The following MCUB variants were observed in gnomAD, a reference collection of about 807,000 sequenced individuals.
MCUB encodes the protein calcium uniporter regulatory subunit MCUb, mitochondrial.
In MCUB, 46 loss-of-function variants were observed where a neutral mutation model predicts 41.4. The observed-to-expected ratio is 1.11, with a 90% CI of 0.88 to 1.42. The LOEUF (loss-of-function observed/expected upper bound fraction) is 1.42, where lower values mean the gene tolerates loss of function less well. MCUB is among the 40% of genes most tolerant of loss of function. The pLI is 0.00. For synonymous variants in MCUB, 148 were observed against 148.2 expected (o/e 1.00, Z 0.01); for missense variants, 403 against 404.9 (o/e 1.00, Z 0.04).
chr4:109,680,317 A>G (rs1729687993), intron 4 of MCUB, among the ~76,000 whole-genome samples: 1 of 152,158 alleles, frequency 6.6e-6, no homozygotes, highest in African/African-American at 2.4e-5. Flanking sequence ...ACATTAACCA[A>G]CTATCCACTT....
chr4:109,584,169 T>A (rs1485537275), intron 1 of MCUB, among the ~76,000 whole-genome samples: 2 of 152,190 alleles, frequency 1.3e-5, no homozygotes, highest in Non-Finnish European at 2.9e-5. Context: ...CTTCCTGGTT[T>A]AGTCTTGGGA....
intron 1 of MCUB, among the ~76,000 whole-genome samples, chr4:109,571,601 C>G (rs897591867): frequency 6.6e-6 from 1 of 152,224 alleles, no homozygotes; most frequent in South Asian, 2.1e-4. Context: ...GCATGAGCCA[C>G]CGTGCCAGGC....
intron 1 of MCUB, among the ~76,000 whole-genome samples, chr4:109,569,807 C>A (rs1209132141): frequency 6.6e-6 from 1 of 152,096 alleles, no homozygotes; most frequent in Non-Finnish European, 1.5e-5. Flanking sequence ...CTGGCCAGGT[C>A]TCTGTGTTAC....
At chr4:109,584,052 G>A (rs573419590) in intron 1 of MCUB, among the ~76,000 whole-genome samples, 1 of 152,272 alleles carries the variant, frequency 6.6e-6, no homozygotes, top group South Asian at 2.1e-4. Context: ...ACCTCTGGTA[G>A]AATTCAGCTG....
intron 1 of MCUB, among the ~76,000 whole-genome samples, chr4:109,598,358 C>G (rs1417002769): frequency 1.3e-5 from 2 of 152,122 alleles, no homozygotes; most frequent in African/African-American, 2.4e-5. Flanking sequence ...CTTGGGAGGC[C>G]GAGGCTGGCG....
chr4:109,646,531 GA>G (rs1728841910), intron 1 of MCUB, among the ~76,000 whole-genome samples: 2 of 152,152 alleles, frequency 1.3e-5, no homozygotes, highest in African/African-American at 2.4e-5. Flanking sequence ...TTTAAAGCAG[GA>G]AAAGTGATTT....
At chr4:109,678,056 A>G (rs931072633) in intron 4 of MCUB, among the ~76,000 whole-genome samples, 30 of 152,050 alleles carry the variant, frequency 2.0e-4, no homozygotes, top group Admixed American at 1.8e-3. Flanking sequence ...CTGTTTAACA[A>G]AGCACATCTT....
At chr4:109,588,035 T>A (rs1368101759) in intron 1 of MCUB, among the ~76,000 whole-genome samples, 1 of 152,226 alleles carries the variant, frequency 6.6e-6, no homozygotes, top group East Asian at 1.9e-4. Flanking sequence ...TAATGGACAG[T>A]GCTGAAAAGA....
At chr4:109,634,139 A>G (rs1728537870) in intron 1 of MCUB, among the ~76,000 whole-genome samples, 1 of 152,194 alleles carries the variant, frequency 6.6e-6, no homozygotes, top group Non-Finnish European at 1.5e-5. Flanking sequence ...TGATCATGCC[A>G]TGCAGTTAGA....
chr4:109,673,713 G>A (rs2126148639), intron 4 of MCUB: 2 of 483,434 alleles, frequency 4.1e-6, no homozygotes, highest in South Asian at 4.3e-5. Flanking sequence ...GAAAATTTGG[G>A]GTATGAAAAT....
intron 1 of MCUB, among the ~76,000 whole-genome samples, chr4:109,598,148 C>G (rs1378718636): frequency 7.2e-6 from 1 of 139,492 alleles, no homozygotes; most frequent in African/African-American, 2.7e-5. Context: ...ACATCCCAGA[C>G]GATGGGCAGC....
At chr4:109,635,696 C>A (rs369833534) in intron 1 of MCUB, among the ~76,000 whole-genome samples, 61 of 152,258 alleles carry the variant, frequency 4.0e-4, no homozygotes, top group African/African-American at 1.4e-3. Context: ...GAGCGTCTTC[C>A]TTCCTTCCTT....
At chr4:109,599,803 G>A (rs1727686380) in intron 1 of MCUB, among the ~76,000 whole-genome samples, 1 of 151,976 alleles carries the variant, frequency 6.6e-6, no homozygotes, top group African/African-American at 2.4e-5. Context: ...CAAGTAGCTG[G>A]GATTACAGGC....
intron 1 of MCUB, among the ~76,000 whole-genome samples, chr4:109,586,702 A>T (rs201575566): frequency 6.6e-6 from 1 of 152,160 alleles, no homozygotes; most frequent in South Asian, 2.1e-4. Flanking sequence ...TCCTTCTAAC[A>T]GTCAGGTCCC....
chr4:109,638,300 T>C (rs911493230), intron 1 of MCUB, among the ~76,000 whole-genome samples: 3 of 151,762 alleles, frequency 2.0e-5, no homozygotes, highest in Non-Finnish European at 4.4e-5. Flanking sequence ...AAGGCAGCAG[T>C]GAACTGAGAT....
intron 1 of MCUB, among the ~76,000 whole-genome samples, chr4:109,565,845 T>C (rs1726762117): frequency 6.6e-6 from 1 of 151,462 alleles, no homozygotes; most frequent in African/African-American, 2.4e-5. Context: ...TTTCTTTTTT[T>C]TTTTTTTTTT....
At chr4:109,615,408 T>A (rs1308613629) in intron 1 of MCUB, among the ~76,000 whole-genome samples, 1 of 150,996 alleles carries the variant, frequency 6.6e-6, no homozygotes, top group Non-Finnish European at 1.5e-5. Context: ...GATGTGAATT[T>A]TTTTTTTTTT....
Position 109,659,070 on chromosome 4 carries a change from C to A in MCUB, c.159C>A (p.Thr53=). The stretch of plus-strand genomic sequence containing the variant: ...ACTACCAGTCACACCATTATAGTAC[C>A]GTGGTGCCACCTGATGGTAAGCTTT... The part of the protein sequence containing the change: ...VKYYQSHHYS[T]VVPPDEITVI... Residue 53 remains threonine, a synonymous_variant, in exon 2 of 8, where the codon ACC becomes ACA. Transcript: ENST00000394650. 6.6e-7 allele frequency: 1 copy of A among 1,513,398 alleles called. No individual in the cohort carries two copies. The highest frequency in any genetic ancestry group is 1.7e-4 in the Middle Eastern group (1 of 5,878). 93.7% of individuals were successfully genotyped at this position (1,513,398 alleles called of 1,614,324 possible).
intron 1 of MCUB, among the ~76,000 whole-genome samples, chr4:109,582,336 A>G: frequency 7.8e-6 from 1 of 128,830 alleles, no homozygotes; most frequent in Non-Finnish European, 1.6e-5. Context: ...ATGAGAACAC[A>G]TGGACACAGG....
Sources: allele counts gnomAD v4.1 joint callset (sites outside exome capture counted in the v4.1 genomes callset), GRCh38; gene constraint gnomAD v4.1.1; transcripts MANE v1.5; gene names NCBI Gene and HGNC (gene_info 2026-07-23, HGNC 2026-07-21).